Variants in DOCK4 observed in about 807,000 individuals in gnomAD.
DOCK4 encodes dedicator of cytokinesis 4, also known as dedicator of cytokinesis protein 4.
DOCK4 carries 97 observed loss-of-function variants against 268.1 expected under a neutral mutation model. The ratio of observed to expected loss-of-function variants is 0.36; its 90% CI spans 0.31 to 0.43. DOCK4 has a LOEUF of 0.43. Among genes scored for constraint, DOCK4 ranks in the 20% least tolerant of loss-of-function variants. DOCK4 has a pLI of 1.00. For synonymous variants in DOCK4, 954 were observed against 887.2 expected, an observed-to-expected ratio of 1.08 and a Z score of -1.34; for missense variants, 2,145 against 2,455.7, an observed-to-expected ratio of 0.87 and a Z score of 2.67.
At chr7:112,068,563 C>G (rs1807287444) in intron 1 of DOCK4, among the ~76,000 whole-genome samples, 2 of 152,216 alleles carry the variant, frequency 1.3e-5, no homozygotes, top group Non-Finnish European at 2.9e-5. Flanking sequence ...GTGCTTAGCA[C>G]AGTTCCTGAC....
intron 1 of DOCK4, among the ~76,000 whole-genome samples, chr7:112,096,008 G>A (rs1365063560): frequency 6.6e-6 from 1 of 152,094 alleles, no homozygotes; most frequent in Non-Finnish European, 1.5e-5. Context: ...AGAATCACTT[G>A]AACCCGGGAA....
intron 17 of DOCK4, among the ~76,000 whole-genome samples, chr7:111,875,055 A>G (rs534116661): frequency 6.6e-6 from 1 of 152,358 alleles, no homozygotes; most frequent in South Asian, 2.1e-4. Context: ...TGTAAATTTC[A>G]GAAAGACCAA....
intron 17 of DOCK4, among the ~76,000 whole-genome samples, chr7:111,874,189 T>C (rs1806655197): frequency 6.6e-6 from 1 of 152,078 alleles, no homozygotes; most frequent in Non-Finnish European, 1.5e-5. Flanking sequence ...TCCCCTGCCA[T>C]TCACTCCTCA....
intron 42 of DOCK4, among the ~76,000 whole-genome samples, chr7:111,751,101 T>A (rs1796607912): frequency 6.6e-6 from 1 of 151,884 alleles, no homozygotes; most frequent in Admixed American, 6.6e-5. Context: ...GCTGCCAACA[T>A]CACACACACA....
At position 111,764,898 on chromosome 7, in the gene DOCK4, G is replaced by T. The variant is rs1203800080; in HGVS notation, c.4020+220C>A. 2.0e-5 allele frequency among the ~76,000 whole-genome samples: 3 copies of T among 151,398 alleles called. No individual in the cohort carries two copies. In the East Asian group the frequency reaches 5.8e-4, roughly 29 times the overall value. On this transcript the variant is annotated intron_variant, in intron 39 of 52. Transcript: ENST00000428084. ...AGGGAAACTATAATTATCAAAGATT[G>T]CTCACAAAATATACCAAATTTAGGA...
rs1284500540 is a variant in DOCK4, at chr7:111,869,608, G to A, written c.2075C>T (p.Ala692Val). 1 of 1,613,554 alleles carries A rather than the reference G, an allele frequency of 6.2e-7. No homozygotes were observed. The highest frequency in any genetic ancestry group is 1.7e-5 in the Admixed American group (1 of 60,018). The part of the protein sequence containing the change: ...LKWYVDRITE[A>V]ERQEHIQEVL... ...CTCCTGGATATGCTCTTGCCGCTCT[G>A]CTTCTGTGATCCGGTCCACGTACCA... is the stretch of plus-strand genomic sequence containing the variant. Residue 692 changes from alanine to valine, a missense_variant, in exon 21 of 53, where the codon GCA becomes GTA. Physicochemically the swap from Ala to Val is moderately conservative, Grantham distance 64. Transcript: ENST00000428084.
chr7:112,051,512 T>C (rs1166466194), intron 1 of DOCK4, among the ~76,000 whole-genome samples: 1 of 152,058 alleles, frequency 6.6e-6, no homozygotes, highest in Non-Finnish European at 1.5e-5. Context: ...GGGGAAGAAT[T>C]AGTAGGCTCA....
chr7:112,059,134 C>CTTTTTTTTTTT (rs572050793), intron 1 of DOCK4, among the ~76,000 whole-genome samples: 3 of 98,978 alleles, frequency 3.0e-5, no homozygotes, highest in African/African-American at 1.5e-4. Context: ...GCAGCATTTC[C>CTTTTTTTTTTT]TTTTTTTTTT....
At chr7:111,740,241 A>T in intron 47 of DOCK4, 1 of 292,732 alleles carries the variant, frequency 3.4e-6, no homozygotes, top group Non-Finnish European at 6.9e-6. Context: ...CTGGGATTAC[A>T]GGCATGCGCC....
intron 1 of DOCK4, among the ~76,000 whole-genome samples, chr7:112,036,309 G>A (rs757452907): frequency 2.6e-5 from 4 of 152,208 alleles, no homozygotes; most frequent in African/African-American, 7.2e-5. Context: ...AAACTGTGGC[G>A]AAAGGATTAA....
At chr7:112,054,567 A>G (rs982820505) in intron 1 of DOCK4, among the ~76,000 whole-genome samples, 7 of 146,958 alleles carry the variant, frequency 4.8e-5, no homozygotes, top group Non-Finnish European at 7.4e-5. Flanking sequence ...GGAATTACTG[A>G]CAAAAAAAAA....
chr7:111,995,101 G>A (rs921548588), intron 4 of DOCK4, among the ~76,000 whole-genome samples: 3 of 151,170 alleles, frequency 2.0e-5, no homozygotes, highest in East Asian at 1.9e-4. Flanking sequence ...GCGCGATCTC[G>A]GCTCACTGCA....
intron 16 of DOCK4, among the ~76,000 whole-genome samples, chr7:111,890,152 T>G (rs1344302193): frequency 1.3e-5 from 2 of 152,332 alleles, no homozygotes; most frequent in South Asian, 2.1e-4. Context: ...CTCATCAATC[T>G]CCTCAAGAGA....
intron 21 of DOCK4, among the ~76,000 whole-genome samples, 172 bp from the exon 22 acceptor site, chr7:111,868,326 C>T (rs556488645): frequency 4.6e-5 from 7 of 152,234 alleles, no homozygotes; most frequent in Admixed American, 1.3e-4. Context: ...GGAACAGCCA[C>T]TTTTCTCTGA....
intron 12 of DOCK4, among the ~76,000 whole-genome samples, chr7:111,916,447 T>C (rs1461735567): frequency 6.6e-6 from 1 of 152,194 alleles, no homozygotes; most frequent in Non-Finnish European, 1.5e-5. Context: ...ACCAGGATTA[T>C]ATTAATAATA....
chr7:111,745,600 C>T (rs1289865183), intron 44 of DOCK4, among the ~76,000 whole-genome samples: 2 of 139,286 alleles, frequency 1.4e-5, no homozygotes, highest in African/African-American at 5.3e-5. Context: ...AGGAGAATGG[C>T]GTGAACCCAG....
intron 6 of DOCK4, among the ~76,000 whole-genome samples, chr7:111,985,241 T>G (rs972191889): frequency 2.0e-5 from 3 of 152,024 alleles, no homozygotes; most frequent in Non-Finnish European, 2.9e-5. Flanking sequence ...TCCTTAACCC[T>G]CCATGATCAT....
At chr7:111,805,310 C>G (rs907032751) in intron 30 of DOCK4, among the ~76,000 whole-genome samples, 2 of 152,160 alleles carry the variant, frequency 1.3e-5, no homozygotes, top group African/African-American at 4.8e-5. Context: ...GAAGTTAGAA[C>G]TCGCTTCCTC....
chr7:112,045,362 CTAATT>C (rs1434005312), intron 1 of DOCK4, among the ~76,000 whole-genome samples: 1 of 152,146 alleles, frequency 6.6e-6, no homozygotes, highest in Non-Finnish European at 1.5e-5. Context: ...TTTTCTTACT[CTAATT>C]TATCTTCCTA....
Sources: allele counts gnomAD v4.1 joint callset (sites outside exome capture counted in the v4.1 genomes callset), GRCh38; gene constraint gnomAD v4.1.1; transcripts MANE v1.5; gene names NCBI Gene and HGNC (gene_info 2026-07-23, HGNC 2026-07-21).